TNFRSF14: variants seen among roughly 807,000 people sequenced by gnomAD.
TNFRSF14 encodes the protein tumor necrosis factor receptor superfamily member 14.
In TNFRSF14, 18 loss-of-function variants were observed where a neutral mutation model predicts 34.1. That is an observed-to-expected ratio of 0.53 (90% confidence interval 0.36 to 0.78). The LOEUF (loss-of-function observed/expected upper bound fraction) is 0.78, where lower values mean the gene tolerates loss of function less well. TNFRSF14 is among the 30% of genes least tolerant of loss of function. TNFRSF14 has a pLI of 0.00. For missense variants in TNFRSF14, 352 were observed against 379.5 expected, an observed-to-expected ratio of 0.93 and a Z score of 0.60; for synonymous variants, 157 against 153.2, an observed-to-expected ratio of 1.02 and a Z score of -0.18.
At chr1:2,560,459 GC>G in intron 4 of TNFRSF14, 164 bp from the exon 5 acceptor site, 1 of 597,162 alleles carries the variant, frequency 1.7e-6, no homozygotes, top group Non-Finnish European at 3.0e-6. Context: ...ACCACCCCAG[GC>G]CCCACCTCCA....
chr1:2,560,590 C>T (rs1369766369), intron 4 of TNFRSF14, 34 bp from the exon 5 acceptor site: 2 of 1,579,564 alleles, frequency 1.3e-6, no homozygotes, highest in Non-Finnish European at 1.7e-6. Flanking sequence ...GGCCTGGTGC[C>T]CTCAGCCCCC....
chr1:2,559,610 C>A, intron 3 of TNFRSF14: 34 of 1,533,826 alleles, frequency 2.2e-5, no homozygotes, highest in Non-Finnish European at 3.0e-5. Context: ...CCTGCAAGCC[C>A]TCGTCCCACA....
In TNFRSF14 at chr1:2,559,985, G is replaced by A. The variant is rs369720913; in HGVS notation, c.460+7G>A. The stretch of plus-strand genomic sequence containing the variant: ...CAGAGGGTGCAGAAGGGAGGTAAGC[G>A]GTGGGTGGCGGACACCCCTCCCATT... On this transcript the variant is annotated splice_region_variant and intron_variant, in intron 4 of 7. Coordinates refer to ENST00000355716, the MANE Select transcript of TNFRSF14 (RefSeq NM_003820.4). 3.4e-5 allele frequency: 53 copies of A among 1,537,470 alleles called. 1 individual carries two copies. The Middle Eastern group carries it at 1.5e-3, about 44-fold the overall frequency.
At position 2,558,524 on chromosome 1, in the gene TNFRSF14, C is replaced by T. The variant is rs892167589; in HGVS notation, c.304+56C>T. Reference sequence around the variant, plus strand: ...CGCTTGGGCAGCCTGGATGCCCCCGCACCCTGCACCCTCTCTCCATGGCCA... The same window carrying T: ...CGCTTGGGCAGCCTGGATGCCCCCGTACCCTGCACCCTCTCTCCATGGCCA... On this transcript the variant is annotated intron_variant, in intron 3 of 7. Coordinates refer to ENST00000355716, the MANE Select transcript of TNFRSF14 (RefSeq NM_003820.4). 6 of 1,600,434 alleles carry T rather than the reference C, an allele frequency of 3.7e-6. No individual in the cohort carries two copies. The African/African-American group carries it at 4.0e-5, about 11-fold the overall frequency.
intron 6 of TNFRSF14, chr1:2,562,481 G>A: frequency 2.7e-6 from 1 of 370,514 alleles, no homozygotes; most frequent in Non-Finnish European, 5.0e-6. Context: ...CAGGCTCTAG[G>A]GTAGGCCGGG....
At position 2,563,766 on chromosome 1, in the gene TNFRSF14, G is replaced by A. The variant is rs1330234147; in HGVS notation, c.*493G>A. On this transcript the variant is annotated 3_prime_UTR_variant, in exon 8 of 8. Transcript: ENST00000355716. Reference sequence around the variant, plus strand: ...TGAATTCGGCTCCTGTTTTCTATTTGTCATGAAACAGTGTATTTGGGGAGA... The same window carrying A: ...TGAATTCGGCTCCTGTTTTCTATTTATCATGAAACAGTGTATTTGGGGAGA... 4.2e-6 allele frequency: 1 copy of A among 236,316 alleles called. No individual in the cohort carries two copies. Among genetic ancestry groups the A allele is most frequent in the Non-Finnish European group, 8.3e-6 (1 of 120,052 alleles). 14.6% of individuals were successfully genotyped at this position (236,316 alleles called of 1,614,324 possible). A position where few individuals can be genotyped will look rare whatever the true frequency, so the allele number is the denominator to read the frequency against.
chr1:2,562,051 C>G (rs1644317773), intron 6 of TNFRSF14: 1 of 587,212 alleles, frequency 1.7e-6, no homozygotes, highest in Non-Finnish European at 3.0e-6. Flanking sequence ...CTCAGCCACC[C>G]CTGCCCACGC....
rs752837687 is a variant in TNFRSF14 at position 2,559,402 on chromosome 1, C to A, written c.305-421C>A. 168 of 1,383,752 alleles carry A rather than the reference C, an allele frequency of 1.2e-4. 1 individual carries two copies. Among genetic ancestry groups the A allele is most frequent in the Middle Eastern group, 9.5e-4 (5 of 5,280 alleles). The allele number at this position is 1,383,752 out of a possible 1,614,324, so 85.7% of individuals were successfully genotyped here. A position where few individuals can be genotyped will look rare whatever the true frequency, so the allele number is the denominator to read the frequency against. Reference sequence around the variant, plus strand: ...AGTACCTGAAGAAGTGGGGCTCTCACCCTACCTGCCTCTGCCATTGGAATG... The same window carrying A: ...AGTACCTGAAGAAGTGGGGCTCTCAACCTACCTGCCTCTGCCATTGGAATG... On this transcript the variant is annotated intron_variant, in intron 3 of 7. Transcript: ENST00000355716.
chr1:2,557,778 C>T lies in TNFRSF14; in HGVS notation c.122C>T (p.Ser41Phe). 1 of 1,611,936 alleles carries T rather than the reference C, an allele frequency of 6.2e-7. No individual in the cohort carries two copies. Among genetic ancestry groups the T allele is most frequent in the African/African-American group, 1.3e-5 (1 of 75,008 alleles). ...CCCTGCTACGCCCCAGCTCTGCCGTCCTGCAAGGAGGACGAGTACCCAGTG... is the reference window on the plus strand; with the variant it reads ...CCCTGCTACGCCCCAGCTCTGCCGTTCTGCAAGGAGGACGAGTACCCAGTG... ...GAPCYAPALP[S>F]CKEDEYPVGS... Residue 41 changes from serine (S) to phenylalanine (F), a missense_variant, in exon 2 of 8, where the codon TCC (serine) becomes TTC (phenylalanine). Ser to Phe is a radical substitution (Grantham distance 155). Coordinates refer to ENST00000355716, the MANE Select transcript of TNFRSF14 (RefSeq NM_003820.4).
At position 2,558,477 on chromosome 1, in the gene TNFRSF14, C is replaced by G; in HGVS notation, c.304+9C>G. On this transcript the variant is annotated intron_variant, in intron 3 of 7. Transcript: ENST00000355716. Reference sequence around the variant, plus strand: ...CCAAATGTGTGACCCAGGTAAGAGGCCAGCACAGCCGGCCCAGCCTCCGCT... The same window carrying G: ...CCAAATGTGTGACCCAGGTAAGAGGGCAGCACAGCCGGCCCAGCCTCCGCT... 2 of 1,612,520 alleles carry G rather than the reference C, an allele frequency of 1.2e-6. No individual in the cohort carries two copies. Among genetic ancestry groups the G allele is most frequent in the Non-Finnish European group, 1.7e-6 (2 of 1,179,732 alleles).
chr1:2,563,246 A>T lies in TNFRSF14; in HGVS notation c.825A>T (p.Ser275=). Residue 275 remains serine (S), a synonymous_variant, in exon 8 of 8, where the codon TCA becomes TCT. Coordinates refer to ENST00000355716, the MANE Select transcript of TNFRSF14 (RefSeq NM_003820.4). ...TTVAVEETIP[S]FTGRSPNH ...TGGCCGTGGAGGAGACAATACCCTC[A>T]TTCACGGGGAGGAGCCCAAACCACT... The T allele has an allele frequency of 6.2e-7, 1 of 1,613,460 alleles. No homozygotes were observed.
Position 2,563,427 on chromosome 1 carries a change from T to A in TNFRSF14, c.*154T>A. 1 of 1,293,724 alleles carries A rather than the reference T, an allele frequency of 7.7e-7. No individual in the cohort carries two copies. The highest frequency in any genetic ancestry group is 1.0e-6 in the Non-Finnish European group (1 of 954,108). The allele number at this position is 1,293,724 out of a possible 1,614,324, so 80.1% of individuals were successfully genotyped here. On this transcript the variant is annotated 3_prime_UTR_variant, in exon 8 of 8. Transcript: ENST00000355716. Reference sequence around the variant, plus strand: ...CCAGTGGAGGGAGAGGTGGGGCCCCTGCTGGGGTAGAGCTGGGGACGCCAC... The same window carrying A: ...CCAGTGGAGGGAGAGGTGGGGCCCCAGCTGGGGTAGAGCTGGGGACGCCAC...
In TNFRSF14 at chr1:2,558,332, C is replaced by T. The variant is rs758273594; in HGVS notation, c.179-11C>T. 2.5e-6 allele frequency: 4 copies of T among 1,594,820 alleles called. No individual in the cohort carries two copies. In the South Asian group the frequency reaches 3.4e-5, roughly 13 times the overall value. ...CGCAGACTTGCGAAGTTCCCACTCT[C>T]TGGGCGGCAGGTTATCGTGTGAAGG... On this transcript the variant is annotated splice_polypyrimidine_tract_variant and intron_variant, in intron 2 of 7. Transcript: ENST00000355716.
upstream of TNFRSF14, chr1:2,556,328 G>A (rs565201292): frequency 3.3e-6 from 2 of 604,770 alleles, no homozygotes; most frequent in South Asian, 1.5e-5. Flanking sequence ...GGACTGGAAT[G>A]GTGCAGGGGG....
chr1:2,560,645 T>G lies in TNFRSF14; in HGVS notation c.482T>G (p.Leu161Arg), dbSNP rs1480388393. Residue 161 changes from leucine (L) to arginine (R), a missense_variant, in exon 5 of 8, where the codon CTG (leucine) becomes CGG (arginine). Coordinates refer to ENST00000355716, the MANE Select transcript of TNFRSF14 (RefSeq NM_003820.4). Reference sequence around the variant, plus strand: ...TCAGGCACCGAGAGTCAGGACACCCTGTGTCAGAACTGCCCCCCGGGGACC... The same window carrying G: ...TCAGGCACCGAGAGTCAGGACACCCGGTGTCAGAACTGCCCCCCGGGGACC... ...QKGGTESQDT[L>R]CQNCPPGTFS... 2.5e-6 allele frequency: 4 copies of G among 1,613,114 alleles called. No homozygotes were observed. In the Admixed American group the frequency reaches 5.0e-5, roughly 20 times the overall value.
intron 6 of TNFRSF14, chr1:2,562,512 A>G: frequency 2.2e-6 from 1 of 448,220 alleles, no homozygotes; most frequent in Non-Finnish European, 4.0e-6. Flanking sequence ...GTCTCACCCA[A>G]CTGGGCACCT....
upstream of TNFRSF14, chr1:2,556,363 C>T: frequency 1.5e-6 from 1 of 648,706 alleles, no homozygotes; most frequent in African/African-American, 1.8e-5. Flanking sequence ...CCATCGGGCG[C>T]CTCCTTCATA....
intron 4 of TNFRSF14, 102 bp from the exon 5 acceptor site, chr1:2,560,522 A>T: frequency 1.2e-6 from 1 of 818,332 alleles, no homozygotes; most frequent in Non-Finnish European, 2.0e-6. Flanking sequence ...CATCACCCGT[A>T]GAGCACCCAG....
chr1:2,556,967 C>T (rs1210071218), intron 1 of TNFRSF14: 12 of 483,902 alleles, frequency 2.5e-5, no homozygotes, highest in Non-Finnish European at 4.4e-5. Context: ...TGCGTGTGTC[C>T]CCCACTCACC....
Sources: gnomAD v4.1 joint callset for allele counts on GRCh38, gnomAD v4.1.1 for gene constraint, MANE v1.5 for transcripts, NCBI Gene and HGNC (gene_info 2026-07-23, HGNC 2026-07-21) for gene names.